The following SEC16B variants were observed in gnomAD, a reference collection of about 807,000 sequenced individuals.
The protein encoded by SEC16B is protein transport protein Sec16B.
In SEC16B, 115 loss-of-function variants were observed where a neutral mutation model predicts 141.8. The ratio of observed to expected loss-of-function variants is 0.81; its 90% confidence interval spans 0.70 to 0.95. SEC16B has a LOEUF of 0.95. SEC16B is among the 40% of genes least tolerant of loss of function. The probability of loss-of-function intolerance (pLI) is 0.00; values close to 1 mark genes in which losing one functional copy is unlikely to be tolerated. For synonymous variants in SEC16B, 493 were observed against 492.5 expected, an observed-to-expected ratio of 1.00 and a Z score of -0.01; for missense variants, 1,291 against 1,312.3, an observed-to-expected ratio of 0.98 and a Z score of 0.25.
At chr1:177,934,801 T>C (rs1650711833) in intron 20 of SEC16B, among the ~76,000 whole-genome samples, 1 of 152,002 alleles carries the variant, frequency 6.6e-6, no homozygotes, top group African/African-American at 2.4e-5. Flanking sequence ...GTGTGTTATA[T>C]ATGAGTGAGA....
Position 177,954,451 on chromosome 1 carries a change from T to C in SEC16B, c.1366-75A>G. The C allele has an allele frequency of 4.1e-6, 5 of 1,226,020 alleles. No homozygotes were observed. In the South Asian group the frequency reaches 5.2e-5, roughly 13 times the overall value. The allele number at this position is 1,226,020 out of a possible 1,614,324, so 75.9% of individuals were successfully genotyped here. ...ACAAGTTCCTGTGCTTAGGTGCTGC[T>C]GCATCCTGAGCAGCAGAGGCTAGGC... On this transcript the variant is annotated intron_variant, in intron 10 of 25. Coordinates refer to ENST00000308284, the MANE Select transcript of SEC16B (RefSeq NM_033127.4).
At chr1:177,940,915 T>C (rs1029665735) in intron 16 of SEC16B, among the ~76,000 whole-genome samples, 2 of 152,146 alleles carry the variant, frequency 1.3e-5, no homozygotes. Context: ...GCAACATAAA[T>C]AAACAACCCG....
At chr1:177,948,546 A>G in intron 12 of SEC16B, 1 of 1,304,264 alleles carries the variant, frequency 7.7e-7, no homozygotes, top group Middle Eastern at 2.1e-4. Context: ...GCAGAATTCC[A>G]CCAGGGGGCA....
chr1:177,943,442 A>G (rs915416262), intron 15 of SEC16B, among the ~76,000 whole-genome samples: 1 of 152,234 alleles, frequency 6.6e-6, no homozygotes, highest in African/African-American at 2.4e-5. Flanking sequence ...GAAAAAGAGA[A>G]GAAGCTAATT....
At chr1:177,935,310 A>C (rs903721132) in intron 20 of SEC16B, among the ~76,000 whole-genome samples, 1 of 152,120 alleles carries the variant, frequency 6.6e-6, no homozygotes, top group Non-Finnish European at 1.5e-5. Flanking sequence ...CATTGTAGGA[A>C]CTCAGTGAAT....
upstream of SEC16B, among the ~76,000 whole-genome samples, chr1:177,971,742 A>C (rs1175331147): frequency 6.6e-6 from 1 of 152,234 alleles, no homozygotes; most frequent in East Asian, 1.9e-4. Context: ...GATTTACCCA[A>C]GATCACAAAG....
chr1:177,962,969 A>G (rs10737332), intron 5 of SEC16B, among the ~76,000 whole-genome samples: 125,528 of 151,180 alleles, frequency 0.83, 52,297 homozygotes, highest in African/African-American at 0.87. Context: ...TTAGCTGGGC[A>G]TGGTGGTGCA....
intron 3 of SEC16B, among the ~76,000 whole-genome samples, 165 bp from the exon 4 acceptor site, chr1:177,965,332 T>C (rs12135725): frequency 0.43 from 65,862 of 151,872 alleles, 14,498 homozygotes; most frequent in Non-Finnish European, 0.46. Flanking sequence ...AGAAAGTCCA[T>C]AGGACGCCTC....
chr1:177,936,976 T>C (rs1350493399), intron 19 of SEC16B, among the ~76,000 whole-genome samples: 1 of 152,228 alleles, frequency 6.6e-6, no homozygotes, highest in African/African-American at 2.4e-5. Flanking sequence ...TTTGCCCTGC[T>C]GTACCCAGTG....
intron 1 of SEC16B, among the ~76,000 whole-genome samples, chr1:177,978,742 A>AATAAATAAATAG (rs747426153): frequency 7.4e-4 from 108 of 146,364 alleles, no homozygotes; most frequent in African/African-American, 2.2e-3. Context: ...TAAATAAATA[A>AATAAATAAATAG]ATAGCATAGC....
In SEC16B at chr1:177,947,956, G is replaced by GA. The variant is rs778158651; in HGVS notation, c.1546-15dup. On this transcript the variant is annotated splice_polypyrimidine_tract_variant and intron_variant, in intron 12 of 25. Transcript: ENST00000308284. ...TTCTCCACAACACTGAAAAGCACCA[G>GA]AAAAAATAAATGTACAATCATTTAA... The GA allele has an allele frequency of 8.6e-5, 130 of 1,513,536 alleles. No homozygotes were observed. The highest frequency in any genetic ancestry group is 1.2e-4 in the Non-Finnish European group (128 of 1,112,132). 93.8% of individuals were successfully genotyped at this position (1,513,536 alleles called of 1,614,324 possible).
Position 177,936,370 on chromosome 1 carries a change from A to G in SEC16B, c.2504-5T>C, listed in dbSNP as rs1165172053. The G allele has an allele frequency of 1.2e-6, 2 of 1,605,818 alleles. No homozygotes were observed. The highest frequency in any genetic ancestry group is 8.5e-7 in the Non-Finnish European group (1 of 1,175,724). On this transcript the variant is annotated splice_polypyrimidine_tract_variant and splice_region_variant and intron_variant, in intron 19 of 25. Coordinates refer to ENST00000308284, the MANE Select transcript of SEC16B (RefSeq NM_033127.4). ...CTTGAGACACTGTGTTCTCTCCTGC[A>G]TCACAAACAGAAATGGAAATAGCAA...
At chr1:177,935,815 G>A (rs1020617600) in intron 20 of SEC16B, among the ~76,000 whole-genome samples, 1 of 152,202 alleles carries the variant, frequency 6.6e-6, no homozygotes, top group Non-Finnish European at 1.5e-5. Context: ...GAGGGCAGGG[G>A]TGTGTCCAAT....
intron 1 of SEC16B, 98 bp downstream of exon 1, chr1:177,969,782 CCTTT>C (rs1477565156): frequency 1.3e-5 from 2 of 152,200 alleles, no homozygotes; most frequent in African/African-American, 4.8e-5. Flanking sequence ...ATGTAGATGA[CCTTT>C]CCTAGCCCCA....
At chr1:177,945,652 C>A (rs540819433) in intron 14 of SEC16B, 1 of 152,376 alleles carries the variant, frequency 6.6e-6, no homozygotes, top group South Asian at 2.1e-4. Flanking sequence ...TCTCCCTGTG[C>A]CTTGGTTTTC....
In SEC16B at chr1:177,964,384, A is replaced by C. The variant is rs1571347058; in HGVS notation, c.534-105T>G. On this transcript the variant is annotated intron_variant, in intron 4 of 25. Transcript: ENST00000308284. ...CTGCTCCAAAGCGTGGGCAGGTACCATGTCAGCCTGGGTGCCATAGGAGAA... is the reference window on the plus strand; with the variant it reads ...CTGCTCCAAAGCGTGGGCAGGTACCCTGTCAGCCTGGGTGCCATAGGAGAA... The C allele has an allele frequency of 2.8e-5, 19 of 680,328 alleles. No individual in the cohort carries two copies. The East Asian group carries it at 5.7e-4, about 20-fold the overall frequency. 42.1% of individuals were successfully genotyped at this position (680,328 alleles called of 1,614,324 possible). A position where few individuals can be genotyped will look rare whatever the true frequency, so the allele number is the denominator to read the frequency against.
intron 15 of SEC16B, among the ~76,000 whole-genome samples, chr1:177,942,830 T>C (rs1156460569): frequency 6.6e-6 from 1 of 152,148 alleles, no homozygotes; most frequent in Non-Finnish European, 1.5e-5. Context: ...AAAAGCTCCA[T>C]GCGAGGTGTG....
At chr1:177,935,002 G>T (rs1485865080) in intron 20 of SEC16B, among the ~76,000 whole-genome samples, 1 of 151,994 alleles carries the variant, frequency 6.6e-6, no homozygotes, top group Non-Finnish European at 1.5e-5. Flanking sequence ...TCAGGGCACA[G>T]TGGCTCCCTT....
In SEC16B at chr1:177,960,375, T is replaced by C. The variant is rs1294988084; in HGVS notation, c.965A>G (p.Glu322Gly). 5.0e-6 allele frequency: 8 copies of C among 1,605,328 alleles called. No individual in the cohort carries two copies. The African/African-American group carries it at 1.1e-4, about 21-fold the overall frequency. ...GGGTCCTGAGAAACTTCTCATCTCC[T>C]CTTGCTCTTCGGAATCATTAAGAAT... ...EVILNDSEEQ[E>G]EMRSFSGPLI... The change falls in exon 8 of 26, where the codon GAG becomes GGG. Residue 322 changes from glutamate (E) to glycine (G), a missense_variant. Glu to Gly is a moderately conservative substitution (Grantham distance 98). Coordinates refer to ENST00000308284, the MANE Select transcript of SEC16B (RefSeq NM_033127.4).
Sources: allele counts gnomAD v4.1 joint callset (sites outside exome capture counted in the v4.1 genomes callset), GRCh38; gene constraint gnomAD v4.1.1; transcripts MANE v1.5; gene names NCBI Gene and HGNC (gene_info 2026-07-23, HGNC 2026-07-21).